NEMP2: variants seen among roughly 807,000 people sequenced by gnomAD.
The protein encoded by NEMP2 is nuclear envelope integral membrane protein 2, also known as UPF0571 transmembrane protein.
In NEMP2, 53 loss-of-function variants were observed where a neutral mutation model predicts 54.2. The observed-to-expected ratio is 0.98, with a 90% confidence interval of 0.78 to 1.23. NEMP2 has a LOEUF of 1.23. Among genes scored for constraint, NEMP2 ranks in the 50% most tolerant of loss-of-function variants. The probability of loss-of-function intolerance (pLI) is 0.00; values close to 1 mark genes in which losing one functional copy is unlikely to be tolerated. For synonymous variants in NEMP2, 197 were observed against 190.3 expected (o/e 1.04, Z -0.29); for missense variants, 455 against 511.3 (o/e 0.89, Z 1.06).
the NEMP2 span, among the ~76,000 whole-genome samples, chr2:190,558,955 A>C: frequency 6.6e-6 from 1 of 152,140 alleles, no homozygotes; most frequent in African/African-American, 2.4e-5. The surrounding 1 kb of genome is among the most constrained non-coding windows in gnomAD (Gnocchi z 4.4). Flanking sequence ...TTACCCTCGC[A>C]TTTTCCATTT....
At chr2:190,434,724 G>A in the NEMP2 span, among the ~76,000 whole-genome samples, 1 of 152,090 alleles carries the variant, frequency 6.6e-6, no homozygotes, top group Non-Finnish European at 1.5e-5. This position sits in a 1 kb window ranked among gnomAD's most constrained non-coding sequence, Gnocchi z 4.3. Context: ...GAGCCACCGC[G>A]CCCGGCCAAA....
At chr2:190,580,523 G>A in the NEMP2 span, among the ~76,000 whole-genome samples, 2 of 152,146 alleles carry the variant, frequency 1.3e-5, no homozygotes, top group African/African-American at 4.8e-5. The surrounding 1 kb of genome is among the most constrained non-coding windows in gnomAD (Gnocchi z 5.3). Flanking sequence ...TTTCCTAAGA[G>A]GAAACTGTAA....
the NEMP2 span, chr2:190,626,397 C>T: frequency 1.3e-5 from 2 of 152,096 alleles, no homozygotes; most frequent in Non-Finnish European, 2.9e-5. The surrounding 1 kb of genome is among the most constrained non-coding windows in gnomAD (Gnocchi z 4.5). Context: ...GAAACACACA[C>T]AGACATTTAA....
At chr2:190,518,082 C>T (rs1207336187) in intron 4 of NEMP2, among the ~76,000 whole-genome samples, 1 of 152,056 alleles carries the variant, frequency 6.6e-6, no homozygotes, top group African/African-American at 2.4e-5. Context: ...CTTGGTAATA[C>T]TATAAGGAAA....
chr2:190,558,067 C>T, the NEMP2 span, among the ~76,000 whole-genome samples: 2 of 152,156 alleles, frequency 1.3e-5, no homozygotes, highest in Non-Finnish European at 2.9e-5. The surrounding 1 kb of genome is among the most constrained non-coding windows in gnomAD (Gnocchi z 4.4). Flanking sequence ...AGACTTGGAA[C>T]CAACCCAAAT....
the NEMP2 span, among the ~76,000 whole-genome samples, chr2:190,643,535 T>C: frequency 6.6e-6 from 1 of 152,340 alleles, no homozygotes; most frequent in South Asian, 2.1e-4. Flanking sequence ...TATTTCAGTT[T>C]CCTCAGTTCT....
chr2:190,434,864 T>C, the NEMP2 span, among the ~76,000 whole-genome samples: 1 of 152,196 alleles, frequency 6.6e-6, no homozygotes, highest in South Asian at 2.1e-4. The surrounding 1 kb of genome is among the most constrained non-coding windows in gnomAD (Gnocchi z 4.3). Context: ...CTGTTAGGAA[T>C]TGGGCTGCAC....
the NEMP2 span, among the ~76,000 whole-genome samples, chr2:190,430,527 G>T: frequency 4.8e-4 from 73 of 151,976 alleles, no homozygotes; most frequent in African/African-American, 1.3e-3. Context: ...TGGGGGTAAG[G>T]TCACAGATCA....
At chr2:190,485,095 A>C in the NEMP2 span, among the ~76,000 whole-genome samples, 1 of 152,198 alleles carries the variant, frequency 6.6e-6, no homozygotes, top group East Asian at 1.9e-4. The surrounding 1 kb of genome is among the most constrained non-coding windows in gnomAD (Gnocchi z 5.1). Context: ...AATAGTTTAA[A>C]AGCATCCTGA....
chr2:190,500,382 A>G, downstream of NEMP2: 1 of 719,426 alleles, frequency 1.4e-6, no homozygotes, highest in Non-Finnish European at 2.2e-6. The surrounding 1 kb of genome is among the most constrained non-coding windows in gnomAD (Gnocchi z 5.3). Context: ...CAGGAGCTAC[A>G]GTACATATTG....
the NEMP2 span, among the ~76,000 whole-genome samples, chr2:190,426,353 T>C: frequency 6.6e-6 from 1 of 152,220 alleles, no homozygotes; most frequent in African/African-American, 2.4e-5. This position sits in a 1 kb window ranked among gnomAD's most constrained non-coding sequence, Gnocchi z 4.7. Context: ...AGATTTATTT[T>C]TGTGGTTGTA....
At chr2:190,447,285 G>A in the NEMP2 span, among the ~76,000 whole-genome samples, 1 of 152,196 alleles carries the variant, frequency 6.6e-6, no homozygotes, top group African/African-American at 2.4e-5. This position sits in a 1 kb window ranked among gnomAD's most constrained non-coding sequence, Gnocchi z 4.5. Flanking sequence ...CAAAAGGACA[G>A]CTGGCAATGT....
chr2:190,441,483 C>T, the NEMP2 span, among the ~76,000 whole-genome samples: 26 of 101,328 alleles, frequency 2.6e-4, no homozygotes, highest in African/African-American at 7.6e-4. Flanking sequence ...GGAGGAGGGG[C>T]GGGGGTTGGG....
At chr2:190,429,093 T>C in the NEMP2 span, among the ~76,000 whole-genome samples, 1 of 152,192 alleles carries the variant, frequency 6.6e-6, no homozygotes, top group East Asian at 1.9e-4. Flanking sequence ...GCCATTTGTA[T>C]AGGCTCTTTT....
the NEMP2 span, among the ~76,000 whole-genome samples, chr2:190,488,288 T>C: frequency 2.0e-5 from 3 of 152,296 alleles, no homozygotes; most frequent in South Asian, 4.1e-4. The surrounding 1 kb of genome is among the most constrained non-coding windows in gnomAD (Gnocchi z 6.4). Context: ...AAACAACAAA[T>C]GTCTATTCAC....
chr2:190,622,666 TA>T, the NEMP2 span, among the ~76,000 whole-genome samples: 3 of 152,176 alleles, frequency 2.0e-5, no homozygotes, highest in East Asian at 5.8e-4. Context: ...ATCATCACCA[TA>T]AAAAACTTTT....
downstream of NEMP2, chr2:190,501,478 A>C (rs1477024705): frequency 6.6e-6 from 1 of 152,192 alleles, no homozygotes; most frequent in African/African-American, 2.4e-5. Context: ...GTTAACAGGA[A>C]ACCTGGGGGG....
At chr2:190,500,830 A>T (rs974212299), downstream of NEMP2, 5 of 152,714 alleles carry the variant, frequency 3.3e-5, no homozygotes, top group Admixed American at 2.0e-4. The surrounding 1 kb of genome is among the most constrained non-coding windows in gnomAD (Gnocchi z 5.3). Flanking sequence ...ATATATTTTT[A>T]TATGTGTATG....
the NEMP2 span, among the ~76,000 whole-genome samples, chr2:190,551,455 C>G: frequency 6.6e-6 from 1 of 151,220 alleles, no homozygotes. Flanking sequence ...TCTGTTTCTC[C>G]TAGTATAGTT....
Sources: allele counts gnomAD v4.1 joint callset (sites outside exome capture counted in the v4.1 genomes callset), GRCh38; gene constraint gnomAD v4.1.1; non-coding constraint Gnocchi (gnomAD v3.1); transcripts MANE v1.5; gene names NCBI Gene and HGNC (gene_info 2026-07-23, HGNC 2026-07-21).